The following FAM240B variants were observed in gnomAD, a reference collection of about 807,000 sequenced individuals.
The protein encoded by FAM240B is protein FAM240B.
At chr9:38,694,893 T>G (rs1412597128) in intron 2 of FAM240B, 24 bp from the exon 3 acceptor site, 1 of 398,578 alleles carries the variant, frequency 2.5e-6, no homozygotes, top group Non-Finnish European at 4.4e-6. Context: ...ACCGTGCACA[T>G]GCTCAGTGCA....
chr9:38,695,312 G>A (rs1587587479), intron 2 of FAM240B, among the ~76,000 whole-genome samples: 1 of 152,226 alleles, frequency 6.6e-6, no homozygotes, highest in East Asian at 1.9e-4. Context: ...CACGAGGTCA[G>A]GAGATCGAGA....
chr9:38,702,264 A>T (rs968227059), intron 2 of FAM240B, among the ~76,000 whole-genome samples: 1 of 152,172 alleles, frequency 6.6e-6, no homozygotes, highest in Admixed American at 6.5e-5. Flanking sequence ...GGCCACCAGG[A>T]GTGTGGCTGG....
intron 2 of FAM240B, among the ~76,000 whole-genome samples, chr9:38,698,520 A>G (rs55880729): frequency 6.6e-6 from 1 of 152,214 alleles, no homozygotes; most frequent in African/African-American, 2.4e-5. Flanking sequence ...TATCAGTCAG[A>G]CTTGTAAACA....
Position 38,703,988 on chromosome 9 carries a change from T to C in FAM240B, c.12A>G (p.Gln4=). The change falls in exon 2 of 3, where the codon CAA becomes CAG. Residue 4 remains glutamine (Q), a synonymous_variant. Transcript: ENST00000637493. ...AGCAGAAGACTTCTCGACGGATGTA[T>C]TGATTGTTCATCCCCTGAAATATAC... MNN[Q]YIRREVFCCG... is the part of the protein sequence containing the mutation. The C allele has an allele frequency of 2.5e-6, 1 of 400,278 alleles. No individual in the cohort carries two copies. The highest frequency in any genetic ancestry group is 4.4e-6 in the Non-Finnish European group (1 of 226,070). 24.8% of individuals were successfully genotyped at this position (400,278 alleles called of 1,614,324 possible). A position where few individuals can be genotyped will look rare whatever the true frequency, so the allele number is the denominator to read the frequency against.
At chr9:38,695,002 C>T in intron 2 of FAM240B, 133 bp from the exon 3 acceptor site, 2 of 394,014 alleles carry the variant, frequency 5.1e-6, no homozygotes, top group Non-Finnish European at 4.5e-6. Flanking sequence ...TCCCTGTGTC[C>T]ATGTGTTCTC....
At chr9:38,698,883 A>G (rs1356461694) in intron 2 of FAM240B, among the ~76,000 whole-genome samples, 1 of 152,164 alleles carries the variant, frequency 6.6e-6, no homozygotes, top group Non-Finnish European at 1.5e-5. Flanking sequence ...TTTTTGGTTG[A>G]TATCTTTCAT....
chr9:38,715,602 T>TA (rs1282746673), intron 1 of FAM240B, among the ~76,000 whole-genome samples: 3 of 152,376 alleles, frequency 2.0e-5, no homozygotes, highest in Non-Finnish European at 4.4e-5. Context: ...AGTTACCTGA[T>TA]ATTCAAGTTT....
chr9:38,701,865 A>T lies in FAM240B; in HGVS notation c.143+1992T>A, dbSNP rs186980282. 7.9e-5 allele frequency among the ~76,000 whole-genome samples: 12 copies of T among 152,184 alleles called. No homozygotes were observed. The East Asian group carries it at 2.3e-3, about 29-fold the overall frequency. On this transcript the variant is annotated intron_variant, in intron 2 of 2. Coordinates refer to ENST00000637493, the MANE Select transcript of FAM240B (RefSeq NM_001394922.1). Reference sequence around the variant, plus strand: ...TTTTATAACTTATTTTTTACTTAAAAATGGCACAGGATCATTACAGAAACT... The same window carrying T: ...TTTTATAACTTATTTTTTACTTAAATATGGCACAGGATCATTACAGAAACT...
intron 2 of FAM240B, among the ~76,000 whole-genome samples, chr9:38,698,221 T>C (rs1371343118): frequency 6.6e-6 from 1 of 152,116 alleles, no homozygotes; most frequent in Admixed American, 6.5e-5. Context: ...ACATTATAAA[T>C]AGCAAAAAAA....
At chr9:38,702,567 T>C (rs1030711471) in intron 2 of FAM240B, among the ~76,000 whole-genome samples, 1 of 152,212 alleles carries the variant, frequency 6.6e-6, no homozygotes, top group Admixed American at 6.5e-5. Context: ...CTGATCCTTC[T>C]GCTCCAAGGC....
chr9:38,706,774 C>A (rs1821196284), intron 1 of FAM240B, among the ~76,000 whole-genome samples: 1 of 152,244 alleles, frequency 6.6e-6, no homozygotes, highest in Non-Finnish European at 1.5e-5. Context: ...GGGCATATTT[C>A]TCACTTATTT....
intron 2 of FAM240B, 114 bp downstream of exon 2, chr9:38,703,743 T>C (rs1448968191): frequency 5.0e-6 from 2 of 396,964 alleles, no homozygotes; most frequent in Non-Finnish European, 8.9e-6. Context: ...GTACAGCATA[T>C]GTACCTTCCT....
At chr9:38,712,938 G>A (rs576966697) in intron 1 of FAM240B, among the ~76,000 whole-genome samples, 5 of 152,248 alleles carry the variant, frequency 3.3e-5, no homozygotes, top group East Asian at 1.9e-4. Context: ...GGAAAAGTTC[G>A]TGTGCCCTAG....
At chr9:38,713,977 G>A (rs528135997) in intron 1 of FAM240B, among the ~76,000 whole-genome samples, 2 of 152,094 alleles carry the variant, frequency 1.3e-5, no homozygotes, top group South Asian at 4.2e-4. Context: ...CTTATGCAGA[G>A]CCCCAATCTC....
At chr9:38,717,647 A>T (rs1042496372) in intron 1 of FAM240B, among the ~76,000 whole-genome samples, 7 of 150,964 alleles carry the variant, frequency 4.6e-5, no homozygotes, top group African/African-American at 1.5e-4. Context: ...CACCCGGCTA[A>T]TTTTTTTGTA....
intron 1 of FAM240B, among the ~76,000 whole-genome samples, chr9:38,715,434 T>C (rs1007807286): frequency 6.6e-5 from 10 of 152,224 alleles, no homozygotes; most frequent in African/African-American, 2.4e-4. Context: ...TATATCCTTA[T>C]GTAGATTACT....
At chr9:38,705,633 T>G (rs1317328776) in intron 1 of FAM240B, 1 of 151,916 alleles carries the variant, frequency 6.6e-6, no homozygotes, top group Non-Finnish European at 1.5e-5. Context: ...ATAACATTTA[T>G]TATTTTATAT....
chr9:38,708,961 C>T (rs547231859), intron 1 of FAM240B, among the ~76,000 whole-genome samples: 28 of 152,140 alleles, frequency 1.8e-4, no homozygotes, highest in East Asian at 3.9e-4. Flanking sequence ...TGCTGGACCA[C>T]GTCCAGTGAA....
chr9:38,701,907 AAC>A (rs112042925), intron 2 of FAM240B, among the ~76,000 whole-genome samples: 22 of 151,334 alleles, frequency 1.5e-4, no homozygotes, highest in East Asian at 3.9e-4. Flanking sequence ...AAAATAGGAG[AAC>A]ACACACACAC....
Sources: gnomAD v4.1 joint callset for allele counts (sites outside exome capture counted in the v4.1 genomes callset) on GRCh38, gnomAD v4.1.1 for gene constraint, MANE v1.5 for transcripts, NCBI Gene and HGNC (gene_info 2026-07-23, HGNC 2026-07-21) for gene names.